Variants in NREP observed in about 807,000 individuals in gnomAD.
NREP encodes the protein neuronal regeneration related protein.
A neutral mutation model predicts 8.6 loss-of-function variants in NREP; 5 were observed. The observed-to-expected ratio is 0.58, with a 90% CI of 0.30 to 1.22. The LOEUF (loss-of-function observed/expected upper bound fraction) is 1.22, where lower values mean the gene tolerates loss of function less well. NREP is among the 50% of genes most tolerant of loss of function. NREP has a pLI of 0.07. For missense variants in NREP, 86 were observed against 82.5 expected (o/e 1.04, Z -0.17); for synonymous variants, 27 against 28.0 (o/e 0.96, Z 0.11).
chr5:111,863,893 T>G (rs1753606721), intron 2 of NREP, among the ~76,000 whole-genome samples: 1 of 152,158 alleles, frequency 6.6e-6, no homozygotes, highest in African/African-American at 2.4e-5. Flanking sequence ...TCCTCATACC[T>G]TGGCAATTAG....
chr5:111,912,759 T>C (rs1754948328), intron 2 of NREP: 1 of 152,158 alleles, frequency 6.6e-6, no homozygotes. Context: ...CTTTGTATTC[T>C]TCATATTACC....
chr5:111,926,621 CA>C (rs1346593870), intron 2 of NREP, among the ~76,000 whole-genome samples: 1 of 151,994 alleles, frequency 6.6e-6, no homozygotes, highest in African/African-American at 2.4e-5. Context: ...ACTTTTTCTT[CA>C]GAGTCTTGGG....
intron 2 of NREP, among the ~76,000 whole-genome samples, chr5:111,805,762 GAGAA>G (rs1752125396): frequency 1.5e-5 from 1 of 64,674 alleles, no homozygotes; most frequent in African/African-American, 5.1e-5. Flanking sequence ...CACAGAGATA[GAGAA>G]GAGAAAATTT....
chr5:111,767,343 G>C (rs1254220840), intron 2 of NREP, among the ~76,000 whole-genome samples: 5 of 152,098 alleles, frequency 3.3e-5, no homozygotes, highest in African/African-American at 9.7e-5. Flanking sequence ...CATAGGTATA[G>C]TTCACTGGCA....
intron 2 of NREP, among the ~76,000 whole-genome samples, chr5:111,884,921 G>A (rs1218056220): frequency 1.3e-5 from 2 of 152,186 alleles, no homozygotes; most frequent in Non-Finnish European, 2.9e-5. Context: ...GCACACGACA[G>A]GGATGCCCTC....
intron 2 of NREP, among the ~76,000 whole-genome samples, chr5:111,883,621 GTC>G (rs555265975): frequency 6.6e-6 from 1 of 152,068 alleles, no homozygotes; most frequent in Non-Finnish European, 1.5e-5. Flanking sequence ...ATAACAAACT[GTC>G]TCTCAGACCA....
chr5:111,834,342 T>G (rs949644976), intron 2 of NREP, among the ~76,000 whole-genome samples: 5 of 152,330 alleles, frequency 3.3e-5, no homozygotes, highest in Admixed American at 2.0e-4. Context: ...ATGGCTCTCT[T>G]TAGTTCTGTC....
chr5:111,758,398 T>A (rs933982002), upstream of NREP, among the ~76,000 whole-genome samples: 12 of 152,260 alleles, frequency 7.9e-5, no homozygotes, highest in African/African-American at 2.9e-4. Flanking sequence ...AATAAAGTGC[T>A]TTGCCATTTC....
intron 2 of NREP, among the ~76,000 whole-genome samples, chr5:111,972,898 C>T (rs1332739354): frequency 6.6e-6 from 1 of 152,210 alleles, no homozygotes; most frequent in African/African-American, 2.4e-5. Context: ...TCTGCTCATG[C>T]AGATGTTCCT....
rs571252142 is a variant in NREP at position 111,798,734 on chromosome 5, G to GGTGTGT, written c.136-63233_136-63228dup. Among the ~76,000 whole-genome samples, 375 of 135,674 alleles carry GGTGTGT rather than the reference G, an allele frequency of 2.8e-3. 2 individuals are homozygous for GGTGTGT. Among genetic ancestry groups the GGTGTGT allele is most frequent in the African/African-American group, 9.5e-3 (337 of 35,614 alleles). The allele number at this position is 135,674 out of a possible 152,430, so 89.0% of individuals were successfully genotyped here. A position where few individuals can be genotyped will look rare whatever the true frequency, so the allele number is the denominator to read the frequency against. On this transcript the variant is annotated intron_variant, in intron 2 of 3. Coordinates refer to the NREP transcript ENST00000395634. ...TTTTTATGGCTGAGTAGTATTCCAT[G>GGTGTGT]GTGTGTGTGTGTGTGTGTGTGTGTG...
intron 2 of NREP, among the ~76,000 whole-genome samples, chr5:111,741,658 A>G (rs758589422): frequency 6.6e-6 from 1 of 152,166 alleles, no homozygotes; most frequent in Non-Finnish European, 1.5e-5. Flanking sequence ...ACACGTTGCC[A>G]CTGGAAGACA....
intron 2 of NREP, among the ~76,000 whole-genome samples, chr5:111,839,546 A>G (rs1752974181): frequency 6.6e-6 from 1 of 152,054 alleles, no homozygotes; most frequent in Non-Finnish European, 1.5e-5. Flanking sequence ...AACTAAAATG[A>G]CGTATTTTTC....
At chr5:111,965,330 A>G (rs1296738011) in intron 2 of NREP, among the ~76,000 whole-genome samples, 2 of 152,210 alleles carry the variant, frequency 1.3e-5, no homozygotes, top group African/African-American at 4.8e-5. Flanking sequence ...AATATTTAAT[A>G]CACACACTCA....
chr5:111,826,934 A>G (rs554569551), intron 2 of NREP, among the ~76,000 whole-genome samples: 1 of 152,362 alleles, frequency 6.6e-6, no homozygotes, highest in East Asian at 1.9e-4. Context: ...AATGTACATT[A>G]CAATAGCCAA....
At chr5:111,735,392 GA>G in intron 3 of NREP, 37 bp downstream of exon 3, 1 of 1,353,132 alleles carries the variant, frequency 7.4e-7, no homozygotes. Context: ...TTTCTATATT[GA>G]AAATAGTGTT....
chr5:111,809,999 A>G (rs1266154851), intron 2 of NREP, among the ~76,000 whole-genome samples: 1 of 151,882 alleles, frequency 6.6e-6, no homozygotes, highest in East Asian at 1.9e-4. Flanking sequence ...AATTCTGCCA[A>G]GTATAGACAG....
At chr5:111,795,897 T>C (rs1354770987) in intron 2 of NREP, among the ~76,000 whole-genome samples, 2 of 152,230 alleles carry the variant, frequency 1.3e-5, no homozygotes, top group African/African-American at 2.4e-5. Flanking sequence ...TTATTCCCAT[T>C]GTGCAGATAG....
At chr5:111,827,566 C>G (rs1752658010) in intron 2 of NREP, among the ~76,000 whole-genome samples, 1 of 152,132 alleles carries the variant, frequency 6.6e-6, no homozygotes, top group South Asian at 2.1e-4. Context: ...CCTGTGTGCT[C>G]TAGGCCGGGT....
intron 2 of NREP, among the ~76,000 whole-genome samples, chr5:111,855,434 A>G (rs927430677): frequency 1.3e-5 from 2 of 152,190 alleles, no homozygotes; most frequent in African/African-American, 4.8e-5. Context: ...AGGAGCTTCA[A>G]GCTTTTTAAC....
Sources: allele counts gnomAD v4.1 joint callset (sites outside exome capture counted in the v4.1 genomes callset), GRCh38; gene constraint gnomAD v4.1.1; transcripts MANE v1.5; gene names NCBI Gene and HGNC (gene_info 2026-07-23, HGNC 2026-07-21).